ADGRG6: variants seen among roughly 807,000 people sequenced by gnomAD.
ADGRG6 encodes G-protein coupled receptor 126.
A neutral mutation model predicts 142.4 loss-of-function variants in ADGRG6; 84 were observed. The observed-to-expected ratio is 0.59, with a 90% confidence interval of 0.49 to 0.71. The LOEUF is 0.71. ADGRG6 is among the 30% of genes least tolerant of loss of function. The probability of loss-of-function intolerance (pLI) is 0.00; values close to 1 mark genes in which losing one functional copy is unlikely to be tolerated. For missense variants in ADGRG6, 1,367 were observed against 1,466.6 expected (o/e 0.93, Z 1.11); for synonymous variants, 521 against 520.5 (o/e 1.00, Z -0.01).
chr6:142,419,515 G>A (rs1776549247), intron 21 of ADGRG6, among the ~76,000 whole-genome samples: 1 of 152,122 alleles, frequency 6.6e-6, no homozygotes, highest in Non-Finnish European at 1.5e-5. Flanking sequence ...AAGAAAAGGA[G>A]GTTAGACATG....
In ADGRG6 at chr6:142,419,974, G is replaced by A. The variant is rs1776581909; in HGVS notation, c.3189G>A (p.Val1063=). The change falls in exon 22 of 25, where the codon GTG becomes GTA. Residue 1063 remains valine, a synonymous_variant. Transcript: ENST00000367609. Reference sequence around the variant, plus strand: ...GCAACCGGACCCTGAGAGAAGAAGTGTTAAGGAACCTGCGCAGTGTGGTTA... The same window carrying A: ...GCAACCGGACCCTGAGAGAAGAAGTATTAAGGAACCTGCGCAGTGTGGTTA... ...KRSNRTLREE[V]LRNLRSVVSL... is the part of the protein sequence containing the mutation. 1 of 1,613,602 alleles carries A rather than the reference G, an allele frequency of 6.2e-7. No homozygotes were observed. Among genetic ancestry groups the A allele is most frequent in the East Asian group, 2.2e-5 (1 of 44,870 alleles).
chr6:142,380,894 G>C (rs1350624477), intron 4 of ADGRG6, among the ~76,000 whole-genome samples: 1 of 152,160 alleles, frequency 6.6e-6, no homozygotes, highest in Non-Finnish European at 1.5e-5. Flanking sequence ...TAGGCAATAG[G>C]TAAATGTTTG....
In ADGRG6 at chr6:142,446,187, C is replaced by G. The variant is rs139747449; in HGVS notation, c.*2672C>G. 76 of 152,702 alleles carry G rather than the reference C, an allele frequency of 5.0e-4. No individual in the cohort carries two copies. Among genetic ancestry groups the G allele is most frequent in the African/African-American group, 1.8e-3 (76 of 41,562 alleles). 9.5% of individuals were successfully genotyped at this position (152,702 alleles called of 1,614,324 possible). On this transcript the variant is annotated 3_prime_UTR_variant, in exon 25 of 25. Transcript: ENST00000367609. ...ATAGAATTAGCAGTAAGAAGCTACT[C>G]TAGCTAATTTGCCATTTTACTTAAA...
intron 9 of ADGRG6, among the ~76,000 whole-genome samples, chr6:142,395,382 C>A (rs1775125735): frequency 6.6e-6 from 1 of 152,124 alleles, no homozygotes; most frequent in Non-Finnish European, 1.5e-5. Context: ...TTGCTGGACA[C>A]TTTGTGTAGC....
At chr6:142,339,837 A>C (rs1779526941) in intron 2 of ADGRG6, among the ~76,000 whole-genome samples, 2 of 152,182 alleles carry the variant, frequency 1.3e-5, no homozygotes, top group African/African-American at 4.8e-5. Context: ...TGGAAACTTC[A>C]AAAACCAGAT....
At chr6:142,352,688 G>T (rs1385815535) in intron 2 of ADGRG6, among the ~76,000 whole-genome samples, 1 of 151,982 alleles carries the variant, frequency 6.6e-6, no homozygotes, top group Non-Finnish European at 1.5e-5. Context: ...TATGTATTTT[G>T]AAATATACAT....
intron 3 of ADGRG6, among the ~76,000 whole-genome samples, chr6:142,369,129 A>G (rs1781096874): frequency 6.6e-6 from 1 of 152,194 alleles, no homozygotes; most frequent in African/African-American, 2.4e-5. Context: ...ATATATTCAA[A>G]CTGTTTTTCA....
chr6:142,319,776 C>T (rs1168825019), intron 2 of ADGRG6, among the ~76,000 whole-genome samples: 1 of 152,104 alleles, frequency 6.6e-6, no homozygotes, highest in Non-Finnish European at 1.5e-5. Context: ...GTGTGCCTGA[C>T]ATTACTTTAC....
At chr6:142,400,854 G>C in intron 11 of ADGRG6, 1 of 342,730 alleles carries the variant, frequency 2.9e-6, no homozygotes. Context: ...CCAGTGGGTA[G>C]CACCAGAGCA....
intron 2 of ADGRG6, among the ~76,000 whole-genome samples, chr6:142,330,491 T>C (rs1245143290): frequency 6.6e-6 from 1 of 152,160 alleles, no homozygotes; most frequent in Non-Finnish European, 1.5e-5. Context: ...GAAAACCATA[T>C]TAAGGAAAGG....
At chr6:142,379,922 C>A (rs1781681107) in intron 4 of ADGRG6, among the ~76,000 whole-genome samples, 1 of 152,154 alleles carries the variant, frequency 6.6e-6, no homozygotes, top group Non-Finnish European at 1.5e-5. Flanking sequence ...CCAAGATGGT[C>A]AGGGTACAGC....
chr6:142,371,586 C>T (rs374429524), intron 4 of ADGRG6, among the ~76,000 whole-genome samples: 5 of 150,930 alleles, frequency 3.3e-5, no homozygotes, highest in East Asian at 3.9e-4. Context: ...CCCAGATTCA[C>T]GCCATTCTCC....
At chr6:142,395,524 A>G (rs893430208) in intron 9 of ADGRG6, among the ~76,000 whole-genome samples, 2 of 152,168 alleles carry the variant, frequency 1.3e-5, no homozygotes, top group African/African-American at 4.8e-5. Context: ...CATCGTTAGT[A>G]CATGTCAGCA....
chr6:142,421,919 G>A (rs1487189122), intron 22 of ADGRG6, among the ~76,000 whole-genome samples: 1 of 152,170 alleles, frequency 6.6e-6, no homozygotes, highest in African/African-American at 2.4e-5. Context: ...CAGAGCACAT[G>A]AGTCTACCAA....
chr6:142,317,250 A>G (rs569930178), intron 2 of ADGRG6, among the ~76,000 whole-genome samples: 1 of 152,054 alleles, frequency 6.6e-6, no homozygotes, highest in Admixed American at 6.6e-5. Flanking sequence ...TGCTTTTTTT[A>G]TTGACCTTTC....
At chr6:142,338,026 T>TTTTTTTTTTTTTTTG (rs1779420043) in intron 2 of ADGRG6, among the ~76,000 whole-genome samples, 8 of 43,244 alleles carry the variant, frequency 1.8e-4, no homozygotes, top group Admixed American at 2.8e-4. Flanking sequence ...TGTTTTTTTT[T>TTTTTTTTTTTTTTTG]TTTTTTTTTT....
chr6:142,362,750 T>G (rs1262357783), intron 2 of ADGRG6, among the ~76,000 whole-genome samples: 2 of 152,182 alleles, frequency 1.3e-5, no homozygotes, highest in Admixed American at 1.3e-4. Context: ...TATTTTACAT[T>G]TCAATGATGT....
intron 22 of ADGRG6, among the ~76,000 whole-genome samples, chr6:142,430,753 G>T (rs1777172185): frequency 6.6e-6 from 1 of 152,150 alleles, no homozygotes; most frequent in Non-Finnish European, 1.5e-5. Context: ...TGTGTTCTCT[G>T]GTAGATGAAA....
rs1362091747 is a variant in ADGRG6 at position 142,443,659 on chromosome 6, T to A, written c.*144T>A. On this transcript the variant is annotated 3_prime_UTR_variant, in exon 25 of 25. Transcript: ENST00000367609. ...TTTTGTTAAGAAGGCTTTTGTGAAA[T>A]TCAGAATTTTTCTTTTTAATATATT... 1 of 540,686 alleles carries A rather than the reference T, an allele frequency of 1.8e-6. No homozygotes were observed. Among genetic ancestry groups the A allele is most frequent in the South Asian group, 3.1e-5 (1 of 31,890 alleles). 33.5% of individuals were successfully genotyped at this position (540,686 alleles called of 1,614,324 possible).
Sources: gnomAD v4.1 joint callset for allele counts (sites outside exome capture counted in the v4.1 genomes callset) on GRCh38, gnomAD v4.1.1 for gene constraint, MANE v1.5 for transcripts, NCBI Gene and HGNC (gene_info 2026-07-23, HGNC 2026-07-21) for gene names.